MACF1: variants seen among roughly 807,000 people sequenced by gnomAD.
The protein encoded by MACF1 is microtubule-actin cross-linking factor 1.
Under a neutral mutation model 854.8 loss-of-function variants are expected in MACF1, and 193 were observed. The ratio of observed to expected loss-of-function variants is 0.23; its 90% confidence interval spans 0.20 to 0.25. The LOEUF is 0.25. MACF1 is among the 10% of genes least tolerant of loss of function. The pLI is 1.00. For missense variants in MACF1, 7,722 were observed against 8,929.1 expected, an observed-to-expected ratio of 0.86 and a Z score of 5.45; for synonymous variants, 3,185 against 3,226.7, an observed-to-expected ratio of 0.99 and a Z score of 0.44.
At chr1:39,477,459 G>C (rs912391396) in intron 97 of MACF1, among the ~76,000 whole-genome samples, 1 of 151,996 alleles carries the variant, frequency 6.6e-6, no homozygotes, top group South Asian at 2.1e-4. Flanking sequence ...CTGGGCTCGA[G>C]CAGTCTGCCC....
chr1:39,406,745 A>ACAAAACAAAC lies in MACF1; in HGVS notation c.15817-15629_15817-15628insCAAAACAAAC, dbSNP rs796545686. 3.9e-4 allele frequency among the ~76,000 whole-genome samples: 58 copies of ACAAAACAAAC among 147,436 alleles called. 2 individuals are homozygous for ACAAAACAAAC. The highest frequency in any genetic ancestry group is 1.5e-3 in the African/African-American group (57 of 37,738). On this transcript the variant is annotated intron_variant, in intron 58 of 100. Coordinates refer to ENST00000564288, the MANE Select transcript of MACF1 (RefSeq NM_001394062.1). ...GTGAGACAGAGTCTCACTCAAAAAA[A>ACAAAACAAAC]AAAAAAAAAAAAACATTCTTTATAA...
chr1:39,381,194 A>T (rs1203755753), intron 55 of MACF1, among the ~76,000 whole-genome samples: 2 of 151,946 alleles, frequency 1.3e-5, no homozygotes, highest in East Asian at 3.9e-4. Context: ...AGTAGCTGGC[A>T]TTGCAGGCAT....
intron 38 of MACF1, among the ~76,000 whole-genome samples, chr1:39,338,691 A>G (rs1646871648): frequency 6.6e-6 from 1 of 152,188 alleles, no homozygotes; most frequent in Non-Finnish European, 1.5e-5. Context: ...TCCATACAGA[A>G]ATCAGTAGGA....
intron 97 of MACF1, among the ~76,000 whole-genome samples, chr1:39,477,118 GTA>G (rs1170894300): frequency 0.056 from 1,382 of 24,534 alleles, 80 homozygotes; most frequent in Middle Eastern, 0.12. Flanking sequence ...TACACTTAGT[GTA>G]TATATATATA....
rs41270817 is a variant in MACF1, at chr1:39,350,940, G to A, written c.11121G>A (p.Ala3707=). The change falls in exon 43 of 101, where the codon GCG becomes GCA. Residue 3707 remains alanine, a synonymous_variant. Coordinates refer to ENST00000564288, the MANE Select transcript of MACF1 (RefSeq NM_001394062.1). ...KLHQAKEQYE[A]LQEETRVAQK... ...ATCAGGCTAAGGAGCAATATGAGGCGCTCCAGGAAGAGACACGTGTGGCCC... is the reference window on the plus strand; with the variant it reads ...ATCAGGCTAAGGAGCAATATGAGGCACTCCAGGAAGAGACACGTGTGGCCC... The A allele has an allele frequency of 0.017, 27,567 of 1,614,084 alleles. 297 individuals carry two copies. Among genetic ancestry groups the A allele is most frequent in the Non-Finnish European group, 0.021 (24,294 of 1,179,948 alleles).
At chr1:39,096,961 C>T (rs1325543756) in intron 2 of MACF1, among the ~76,000 whole-genome samples, 1 of 148,898 alleles carries the variant, frequency 6.7e-6, no homozygotes, top group East Asian at 2.0e-4. Flanking sequence ...ACTGCAACCT[C>T]TGCCTCCCAG....
At chr1:39,092,780 T>C (rs1277852946) in intron 2 of MACF1, among the ~76,000 whole-genome samples, 2 of 64,150 alleles carry the variant, frequency 3.1e-5, no homozygotes, top group East Asian at 1.8e-3. Flanking sequence ...TTTTTCTTTT[T>C]TCTTTTCTTT....
At chr1:39,251,486 C>G (rs1645039792) in intron 3 of MACF1, among the ~76,000 whole-genome samples, 1 of 152,138 alleles carries the variant, frequency 6.6e-6, no homozygotes. Context: ...ATTTCTTTTC[C>G]TAACCTTTGA....
At chr1:39,233,787 T>G (rs1395131682) in intron 2 of MACF1, among the ~76,000 whole-genome samples, 4 of 87,520 alleles carry the variant, frequency 4.6e-5, no homozygotes, top group Non-Finnish European at 1.1e-4. Context: ...TTTTTTTTTT[T>G]TTTTTTTTTT....
intron 23 of MACF1, among the ~76,000 whole-genome samples, chr1:39,303,720 C>T (rs189756180): frequency 0.02 from 3,028 of 150,816 alleles, 108 homozygotes; most frequent in African/African-American, 0.071. Flanking sequence ...AAAAATTTGC[C>T]GGGCGTGATG....
chr1:39,217,768 TG>T (rs1373191843), intron 1 of MACF1, among the ~76,000 whole-genome samples: 2 of 146,976 alleles, frequency 1.4e-5, no homozygotes, highest in Non-Finnish European at 3.0e-5. Context: ...TCCCAGCTAC[TG>T]GGGGTGGGGT....
chr1:39,315,863 G>T (rs1458384601), intron 27 of MACF1, among the ~76,000 whole-genome samples, 172 bp downstream of exon 27: 1 of 152,184 alleles, frequency 6.6e-6, no homozygotes, highest in Non-Finnish European at 1.5e-5. Context: ...AGGTTCATTT[G>T]GACTGCAGTG....
chr1:39,254,076 C>T lies in MACF1; in HGVS notation c.358-222C>T, dbSNP rs141588048. The stretch of plus-strand genomic sequence containing the variant: ...GTGGTCAAACAGTATTCTGTGTTTG[C>T]GAGATGCGTAGTGGTACACAAGACA... On this transcript the variant is annotated intron_variant, in intron 4 of 100. Coordinates refer to ENST00000564288, the MANE Select transcript of MACF1 (RefSeq NM_001394062.1). 311 of 501,272 alleles carry T rather than the reference C, an allele frequency of 6.2e-4. 1 individual carries two copies. Among genetic ancestry groups the T allele is most frequent in the African/African-American group, 5.3e-3 (277 of 51,842 alleles). 31.1% of individuals were successfully genotyped at this position (501,272 alleles called of 1,614,324 possible). A position where few individuals can be genotyped will look rare whatever the true frequency, so the allele number is the denominator to read the frequency against.
At chr1:39,276,015 G>A (rs540300442) in intron 6 of MACF1, among the ~76,000 whole-genome samples, 1 of 151,916 alleles carries the variant, frequency 6.6e-6, no homozygotes, top group Admixed American at 6.6e-5. Context: ...GACATCTTGG[G>A]CTTAAACGAT....
intron 9 of MACF1, 24 bp from the exon 10 acceptor site, chr1:39,284,042 G>C: frequency 6.2e-7 from 1 of 1,612,290 alleles, no homozygotes; most frequent in Non-Finnish European, 8.5e-7. Context: ...AATCAGGTGT[G>C]TGATGTTTAC....
chr1:39,452,432 G>C, intron 86 of MACF1, 82 bp downstream of exon 86: 1 of 1,400,608 alleles, frequency 7.1e-7, no homozygotes, highest in Middle Eastern at 2.2e-4. Context: ...ATCTGTTCCA[G>C]TCAGTCTTGA....
At chr1:39,414,930 A>C (rs1431773735) in intron 58 of MACF1, among the ~76,000 whole-genome samples, 1 of 152,192 alleles carries the variant, frequency 6.6e-6, no homozygotes. Context: ...TTAGTTAGCT[A>C]TTCTTGAGTT....
chr1:39,161,659 GTT>G (rs1233525051), intron 2 of MACF1, among the ~76,000 whole-genome samples: 2 of 152,096 alleles, frequency 1.3e-5, no homozygotes, highest in Non-Finnish European at 2.9e-5. Context: ...AACGTCAGGA[GTT>G]TGAGACCAGG....
intron 1 of MACF1, among the ~76,000 whole-genome samples, chr1:39,218,878 C>T (rs683583): frequency 0.94 from 143,804 of 152,218 alleles, 67,994 homozygotes; most frequent in East Asian, 1. Context: ...CTTCCCAGGT[C>T]CAAGTGATTC....
Sources: gnomAD v4.1 joint callset for allele counts (sites outside exome capture counted in the v4.1 genomes callset) on GRCh38, gnomAD v4.1.1 for gene constraint, MANE v1.5 for transcripts, NCBI Gene and HGNC (gene_info 2026-07-23, HGNC 2026-07-21) for gene names.